Variants in PPP1R9A observed in about 807,000 individuals in gnomAD.
PPP1R9A encodes protein phosphatase 1 regulatory subunit 9A, also known as neurabin-1.
In PPP1R9A, 59 loss-of-function variants were observed where a neutral mutation model predicts 141.9. The observed-to-expected ratio is 0.42, with a 90% CI of 0.34 to 0.52. PPP1R9A has a LOEUF of 0.52. PPP1R9A is among the 20% of genes least tolerant of loss of function. PPP1R9A has a pLI of 0.10. For missense variants in PPP1R9A, 1,444 were observed against 1,611.9 expected (o/e 0.90, Z 1.78); for synonymous variants, 500 against 569.7 (o/e 0.88, Z 1.74).
chr7:95,036,281 C>CCACAGACA (rs1183794856), intron 2 of PPP1R9A: 1 of 152,078 alleles, frequency 6.6e-6, no homozygotes, highest in Non-Finnish European at 1.5e-5. Flanking sequence ...AGTATTAGTT[C>CCACAGACA]CACAGACACA....
chr7:95,138,549 G>A (rs373193837), intron 4 of PPP1R9A, among the ~76,000 whole-genome samples: 35 of 152,220 alleles, frequency 2.3e-4, no homozygotes, highest in Admixed American at 1.4e-3. Context: ...CCAAATTTTC[G>A]TTCTTTGAGA....
intron 2 of PPP1R9A, among the ~76,000 whole-genome samples, chr7:95,043,197 T>C (rs1307902855): frequency 2.0e-5 from 3 of 152,194 alleles, no homozygotes; most frequent in Non-Finnish European, 4.4e-5. Flanking sequence ...TAAATTCCCC[T>C]TGAGTTTTCT....
intron 7 of PPP1R9A, among the ~76,000 whole-genome samples, chr7:95,210,716 T>C (rs1341722358): frequency 1.3e-5 from 2 of 152,190 alleles, no homozygotes; most frequent in Non-Finnish European, 2.9e-5. Context: ...ATTGCAGCAC[T>C]ATTCACAATA....
At chr7:95,112,641 C>A (rs1343352619) in intron 3 of PPP1R9A, among the ~76,000 whole-genome samples, 1 of 152,072 alleles carries the variant, frequency 6.6e-6, no homozygotes, top group Non-Finnish European at 1.5e-5. Context: ...TGGAAATAGT[C>A]TTGGAAATAG....
In PPP1R9A at chr7:95,108,615, T is replaced by C. The variant is rs189548162; in HGVS notation, c.1396-2644T>C. Among the ~76,000 whole-genome samples, 6 of 152,244 alleles carry C rather than the reference T, an allele frequency of 3.9e-5. No homozygotes were observed. The East Asian group carries it at 1.2e-3, about 29-fold the overall frequency. On this transcript the variant is annotated intron_variant, in intron 2 of 19. Transcript: ENST00000433360. ...TGAAATGGTGGCATAGTCATCTGAT[T>C]GCTAGATGTCTCAAAAATTATACAC...
intron 5 of PPP1R9A, among the ~76,000 whole-genome samples, chr7:95,163,124 T>C (rs1164289545): frequency 6.6e-6 from 1 of 152,236 alleles, no homozygotes; most frequent in Non-Finnish European, 1.5e-5. Context: ...CATTAGACTT[T>C]AAAGTAAATT....
At chr7:94,957,003 G>C (rs938620914) in intron 2 of PPP1R9A, among the ~76,000 whole-genome samples, 1 of 152,120 alleles carries the variant, frequency 6.6e-6, no homozygotes, top group African/African-American at 2.4e-5. Context: ...CACAAATAAA[G>C]TGTTAAACAT....
intron 2 of PPP1R9A, among the ~76,000 whole-genome samples, chr7:94,994,476 TA>T (rs1215982332): frequency 6.6e-6 from 1 of 152,212 alleles, no homozygotes; most frequent in African/African-American, 2.4e-5. Context: ...GCTGGATTTT[TA>T]AAAAATGTAC....
At chr7:95,173,028 A>G (rs188025407) in intron 5 of PPP1R9A, among the ~76,000 whole-genome samples, 8 of 152,022 alleles carry the variant, frequency 5.3e-5, no homozygotes, top group Admixed American at 2.0e-4. Flanking sequence ...TACAAACCAA[A>G]AAATGCCTTG....
chr7:95,069,274 G>C (rs538769697), intron 2 of PPP1R9A, among the ~76,000 whole-genome samples: 38 of 152,260 alleles, frequency 2.5e-4, no homozygotes, highest in African/African-American at 8.9e-4. Context: ...GAAATGTGGA[G>C]GGGGAGGGCA....
chr7:94,999,844 C>G (rs557982416), intron 2 of PPP1R9A, among the ~76,000 whole-genome samples: 1 of 151,402 alleles, frequency 6.6e-6, no homozygotes, highest in Admixed American at 6.6e-5. Flanking sequence ...CTCTGTTGCC[C>G]AGGCTGGAGT....
chr7:95,045,070 C>T (rs1809805784), intron 2 of PPP1R9A, among the ~76,000 whole-genome samples: 2 of 152,098 alleles, frequency 1.3e-5, no homozygotes, highest in African/African-American at 4.8e-5. Context: ...CTCCTTTTAA[C>T]TCCTTCAAGC....
intron 2 of PPP1R9A, among the ~76,000 whole-genome samples, chr7:94,959,990 G>A (rs1797443250): frequency 6.6e-6 from 1 of 151,488 alleles, no homozygotes; most frequent in Non-Finnish European, 1.5e-5. Flanking sequence ...TTGATAACAG[G>A]CATGTAAAAA....
chr7:94,987,116 A>G (rs1037071228), intron 2 of PPP1R9A, among the ~76,000 whole-genome samples: 11 of 152,340 alleles, frequency 7.2e-5, no homozygotes, highest in South Asian at 6.2e-4. Flanking sequence ...ATGGTCAGAA[A>G]TTGATAAAAT....
At chr7:95,242,266 A>T (rs1330463589) in intron 8 of PPP1R9A, among the ~76,000 whole-genome samples, 1 of 152,170 alleles carries the variant, frequency 6.6e-6, no homozygotes, top group East Asian at 1.9e-4. Flanking sequence ...ATAACTAAAA[A>T]TTTAGATCCC....
intron 5 of PPP1R9A, among the ~76,000 whole-genome samples, chr7:95,178,283 C>G (rs984448970): frequency 6.6e-6 from 1 of 152,070 alleles, no homozygotes; most frequent in Non-Finnish European, 1.5e-5. Flanking sequence ...CCTGAATGAT[C>G]ATTGGGTCAA....
chr7:94,945,306 CAT>C (rs780805415), intron 2 of PPP1R9A, among the ~76,000 whole-genome samples: 29 of 152,040 alleles, frequency 1.9e-4, no homozygotes, highest in South Asian at 1.2e-3. Context: ...GTTTTCATGA[CAT>C]ATACAAAAGA....
chr7:95,017,406 C>A (rs1302741454), intron 2 of PPP1R9A, among the ~76,000 whole-genome samples: 1 of 152,086 alleles, frequency 6.6e-6, no homozygotes, highest in Non-Finnish European at 1.5e-5. Context: ...TTGCAAACTA[C>A]AAGGTTAATA....
Position 95,290,419 on chromosome 7 carries a change from G to A in PPP1R9A, c.*116G>A. Reference sequence around the variant, plus strand: ...AAATGATAAGGGTAATGCGGCTCTAGGCCGGCTGAGGAACTGTGTGTTGAA... The same window carrying A: ...AAATGATAAGGGTAATGCGGCTCTAAGCCGGCTGAGGAACTGTGTGTTGAA... On this transcript the variant is annotated 3_prime_UTR_variant, in exon 20 of 20. Coordinates refer to ENST00000433360, the MANE Select transcript of PPP1R9A (RefSeq NM_001166160.2). 8.6e-7 allele frequency: 1 copy of A among 1,159,536 alleles called. No homozygotes were observed. The highest frequency in any genetic ancestry group is 1.2e-6 in the Non-Finnish European group (1 of 837,898). The allele number at this position is 1,159,536 out of a possible 1,614,324, so 71.8% of individuals were successfully genotyped here.
Sources: gnomAD v4.1 joint callset for allele counts (sites outside exome capture counted in the v4.1 genomes callset) on GRCh38, gnomAD v4.1.1 for gene constraint, MANE v1.5 for transcripts, NCBI Gene and HGNC (gene_info 2026-07-23, HGNC 2026-07-21) for gene names.